PPFIBP2: variants seen among roughly 807,000 people sequenced by gnomAD.
The protein encoded by PPFIBP2 is PPFIB scaffold protein 2, also known as liprin-beta-2.
PPFIBP2 carries 118 observed loss-of-function variants against 118.3 expected under a neutral mutation model. That is an observed-to-expected ratio of 1.00 (90% CI 0.86 to 1.16). The LOEUF is 1.16. Ranked by LOEUF, PPFIBP2 falls within the 50% of genes most tolerant of loss-of-function variation. The pLI is 0.00. For synonymous variants in PPFIBP2, 414 were observed against 397.4 expected, an observed-to-expected ratio of 1.04 and a Z score of -0.50; for missense variants, 1,195 against 1,073.1, an observed-to-expected ratio of 1.11 and a Z score of -1.59.
At chr11:7,535,902 G>T (rs1851164713) in intron 1 of PPFIBP2, among the ~76,000 whole-genome samples, 1 of 152,144 alleles carries the variant, frequency 6.6e-6, no homozygotes, top group African/African-American at 2.4e-5. Context: ...GGGGAAGCAT[G>T]ACAGGTGAAT....
chr11:7,610,689 GA>G (rs1331464867), intron 6 of PPFIBP2, among the ~76,000 whole-genome samples: 2 of 152,194 alleles, frequency 1.3e-5, no homozygotes. Flanking sequence ...AATAGTTGGG[GA>G]AGAATAAGAC....
At chr11:7,574,317 C>G (rs1856011786) in intron 3 of PPFIBP2, among the ~76,000 whole-genome samples, 1 of 152,114 alleles carries the variant, frequency 6.6e-6, no homozygotes, top group East Asian at 1.9e-4. Context: ...CTTCTGTCTT[C>G]AGAGAGGGGT....
chr11:7,655,645 C>A, downstream of PPFIBP2: 1 of 613,340 alleles, frequency 1.6e-6, no homozygotes, highest in Non-Finnish European at 2.5e-6. Context: ...CTGAGCCAGC[C>A]ACGAGGCAGA....
At chr11:7,607,664 T>C (rs1448269293) in intron 5 of PPFIBP2, among the ~76,000 whole-genome samples, 1 of 152,128 alleles carries the variant, frequency 6.6e-6, no homozygotes, top group Non-Finnish European at 1.5e-5. Flanking sequence ...TTTTTTTCCC[T>C]GAGATCTCAG....
At chr11:7,666,849 A>T in the PPFIBP2 span, 1 of 214,760 alleles carries the variant, frequency 4.7e-6, no homozygotes, top group South Asian at 8.6e-5. Flanking sequence ...GGATGGCTTC[A>T]CTCGGAGCTC....
At chr11:7,657,446 C>A (rs1044239452), downstream of PPFIBP2, among the ~76,000 whole-genome samples, 2 of 152,144 alleles carry the variant, frequency 1.3e-5, no homozygotes, top group Non-Finnish European at 2.9e-5. Context: ...AACACGTGCA[C>A]ACCCTGCCTT....
At chr11:7,651,517 T>C in intron 22 of PPFIBP2, 139 bp from the exon 23 acceptor site, 1 of 698,158 alleles carries the variant, frequency 1.4e-6, no homozygotes, top group Non-Finnish European at 2.4e-6. Flanking sequence ...GTGAGTGGAG[T>C]GGGACTCAGA....
chr11:7,625,923 G>A (rs772093196), intron 8 of PPFIBP2, 32 bp downstream of exon 8: 1 of 1,577,018 alleles, frequency 6.3e-7, no homozygotes, highest in Non-Finnish European at 8.7e-7. Context: ...AAATGCAGTT[G>A]TCTGGGTCCC....
chr11:7,523,470 A>G (rs1444922106), intron 1 of PPFIBP2, among the ~76,000 whole-genome samples: 4 of 152,216 alleles, frequency 2.6e-5, no homozygotes, highest in Non-Finnish European at 5.9e-5. Context: ...TGAGCTTTGT[A>G]GTGGGGTCTT....
At chr11:7,520,524 CT>C (rs1388793729) in intron 1 of PPFIBP2, among the ~76,000 whole-genome samples, 11 of 148,544 alleles carry the variant, frequency 7.4e-5, no homozygotes, top group African/African-American at 2.2e-4. Flanking sequence ...TTTTTTTTTC[CT>C]GAAATGCAAA....
At chr11:7,632,332 G>C (rs113450912) in intron 11 of PPFIBP2, 4,710 of 155,030 alleles carry the variant, frequency 0.03, 120 homozygotes, top group Non-Finnish European at 0.044. Flanking sequence ...ACATTATTCT[G>C]TTATCCTAGT....
chr11:7,605,733 C>A (rs899148598), intron 5 of PPFIBP2: 5 of 1,342,126 alleles, frequency 3.7e-6, no homozygotes, highest in African/African-American at 3.0e-5. Context: ...AACTAGTGGC[C>A]GCAGAAGAAA....
At chr11:7,536,674 C>A (rs936654529) in intron 1 of PPFIBP2, among the ~76,000 whole-genome samples, 4 of 152,012 alleles carry the variant, frequency 2.6e-5, no homozygotes, top group Admixed American at 2.0e-4. Flanking sequence ...AGATCCCAGG[C>A]GCATGAATGT....
chr11:7,560,548 A>G (rs1188403349), intron 2 of PPFIBP2, among the ~76,000 whole-genome samples: 2 of 152,166 alleles, frequency 1.3e-5, no homozygotes, highest in Non-Finnish European at 2.9e-5. Flanking sequence ...ACATTCACCA[A>G]TTTGGGGGGA....
intron 7 of PPFIBP2, 21 bp downstream of exon 7, chr11:7,621,048 T>G: frequency 6.4e-7 from 1 of 1,553,156 alleles, no homozygotes; most frequent in East Asian, 2.2e-5. Flanking sequence ...CTCCTGATGC[T>G]TATGGAGAGA....
intron 1 of PPFIBP2, among the ~76,000 whole-genome samples, chr11:7,535,256 G>A (rs1403543040): frequency 6.6e-6 from 1 of 152,228 alleles, no homozygotes; most frequent in East Asian, 1.9e-4. Context: ...CTGTCATAGA[G>A]AAAACTTGCC....
At chr11:7,516,072 G>A (rs1049769293) in intron 1 of PPFIBP2, among the ~76,000 whole-genome samples, 3 of 152,160 alleles carry the variant, frequency 2.0e-5, no homozygotes, top group South Asian at 2.1e-4. Flanking sequence ...CCTCATAATC[G>A]CCTGGGGAGT....
intron 7 of PPFIBP2, among the ~76,000 whole-genome samples, chr11:7,622,673 G>C (rs979148991): frequency 5.3e-5 from 8 of 152,052 alleles, no homozygotes; most frequent in South Asian, 2.1e-4. Flanking sequence ...ACCAAGCCTG[G>C]GCAGTCAGAC....
downstream of PPFIBP2, among the ~76,000 whole-genome samples, chr11:7,661,360 T>C (rs1234436150): frequency 6.6e-6 from 1 of 151,478 alleles, no homozygotes; most frequent in Non-Finnish European, 1.5e-5. Context: ...TCTGTTCTCG[T>C]TGGTTTCAAA....
Sources: gnomAD v4.1 joint callset for allele counts (sites outside exome capture counted in the v4.1 genomes callset) on GRCh38, gnomAD v4.1.1 for gene constraint, MANE v1.5 for transcripts, NCBI Gene and HGNC (gene_info 2026-07-23, HGNC 2026-07-21) for gene names.